RASAL2: variants seen among roughly 807,000 people sequenced by gnomAD.
RASAL2 encodes ras GTPase-activating protein nGAP.
Under a neutral mutation model 128.9 loss-of-function variants are expected in RASAL2, and 58 were observed. That is an observed-to-expected ratio of 0.45 (90% CI 0.36 to 0.56). RASAL2 has a LOEUF of 0.56. Among genes scored for constraint, RASAL2 ranks in the 20% least tolerant of loss-of-function variants. The pLI, the probability that RASAL2 is intolerant of heterozygous loss-of-function variation, is 0.00. For synonymous variants in RASAL2, 561 were observed against 580.8 expected (o/e 0.97, Z 0.49); for missense variants, 1,360 against 1,601.6 (o/e 0.85, Z 2.57).
chr1:178,470,546 C>T, intron 17 of RASAL2: 1 of 478,826 alleles, frequency 2.1e-6, no homozygotes, highest in Non-Finnish European at 3.8e-6. Context: ...TGCCACCTTT[C>T]ACCCCTGAGC....
At chr1:178,150,740 AC>A (rs1303634760) in intron 1 of RASAL2, among the ~76,000 whole-genome samples, 7 of 151,918 alleles carry the variant, frequency 4.6e-5, no homozygotes, top group African/African-American at 1.7e-4. Context: ...TTTATTTTTA[AC>A]CCCCAAATCA....
At chr1:178,399,083 G>A (rs569781773) in intron 4 of RASAL2, among the ~76,000 whole-genome samples, 7 of 152,294 alleles carry the variant, frequency 4.6e-5, no homozygotes, top group South Asian at 2.1e-4. Flanking sequence ...TGGAGAATTC[G>A]TGGGGACCTT....
At chr1:178,291,176 T>G (rs1046116744) in intron 2 of RASAL2, among the ~76,000 whole-genome samples, 5 of 152,128 alleles carry the variant, frequency 3.3e-5, no homozygotes, top group Admixed American at 6.5e-5. Context: ...TGATACAAAG[T>G]CAAGAAACAT....
chr1:178,432,916 A>G (rs771889884), intron 5 of RASAL2, among the ~76,000 whole-genome samples: 2 of 151,986 alleles, frequency 1.3e-5, no homozygotes, highest in African/African-American at 4.8e-5. Context: ...TCCTTAGCCA[A>G]GGTAGTTTTA....
At chr1:178,286,001 C>G (rs1667007214) in intron 2 of RASAL2, among the ~76,000 whole-genome samples, 1 of 152,142 alleles carries the variant, frequency 6.6e-6, no homozygotes, top group South Asian at 2.1e-4. Flanking sequence ...TGTCCTTTAT[C>G]CCTTTTTATA....
Position 178,257,029 on chromosome 1 carries a change from T to G in RASAL2, c.203-26535T>G, listed in dbSNP as rs529982939. 1.7e-4 allele frequency among the ~76,000 whole-genome samples: 26 copies of G among 151,832 alleles called. 1 individual carries two copies. The South Asian group carries it at 5.4e-3, about 32-fold the overall frequency. On this transcript the variant is annotated intron_variant, in intron 1 of 17. Coordinates refer to ENST00000367649, the MANE Select transcript of RASAL2 (RefSeq NM_170692.4). ...AATCCAAAAATTTAAGATAATTTTA[T>G]TCATAAAACATCAAAAAGAATAAGA...
chr1:178,315,181 G>A (rs1477879850), intron 3 of RASAL2, among the ~76,000 whole-genome samples: 3 of 144,632 alleles, frequency 2.1e-5, no homozygotes, highest in African/African-American at 8.0e-5. Flanking sequence ...TCTTAATCCA[G>A]TCTATCATTG....
chr1:178,329,827 C>T (rs1254190161), intron 3 of RASAL2, among the ~76,000 whole-genome samples: 2 of 151,622 alleles, frequency 1.3e-5, no homozygotes, highest in Non-Finnish European at 2.9e-5. Flanking sequence ...GCCTGGGTGA[C>T]AGAGCGAGAT....
chr1:178,257,328 T>C (rs992500421), intron 1 of RASAL2, among the ~76,000 whole-genome samples: 5 of 151,832 alleles, frequency 3.3e-5, no homozygotes, highest in Admixed American at 1.3e-4. Flanking sequence ...ACAACAATCA[T>C]AGGGGATAAA....
chr1:178,166,648 G>A (rs1661523502), intron 1 of RASAL2, among the ~76,000 whole-genome samples: 1 of 152,088 alleles, frequency 6.6e-6, no homozygotes, highest in Admixed American at 6.6e-5. Flanking sequence ...TCTAAGCTGT[G>A]TGAATACAAC....
chr1:178,148,084 T>A (rs570733732), intron 1 of RASAL2, among the ~76,000 whole-genome samples: 174 of 151,728 alleles, frequency 1.1e-3, no homozygotes, highest in Middle Eastern at 6.4e-3. Flanking sequence ...ATAAATAAAT[T>A]AATTAAAAAA....
intron 1 of RASAL2, among the ~76,000 whole-genome samples, chr1:178,127,298 T>A (rs921889159): frequency 1.3e-5 from 2 of 152,170 alleles, no homozygotes; most frequent in African/African-American, 2.4e-5. Flanking sequence ...TCTTGAGTTT[T>A]AGAGAAATAC....
chr1:178,381,800 T>C (rs1308965728), intron 3 of RASAL2, among the ~76,000 whole-genome samples: 3 of 152,082 alleles, frequency 2.0e-5, no homozygotes, highest in African/African-American at 4.8e-5. Flanking sequence ...GAAAAAGTTA[T>C]ATATGAAGCA....
intron 3 of RASAL2, among the ~76,000 whole-genome samples, chr1:178,318,055 G>A (rs2102323565): frequency 6.6e-6 from 1 of 151,746 alleles, no homozygotes; most frequent in African/African-American, 2.4e-5. Context: ...TATGTACCCA[G>A]TAGTCATTCA....
In RASAL2 at chr1:178,478,683, A is replaced by T. The variant is rs1467054304; in HGVS notation, c.*5444A>T. ...GCTAGTAGCATTTAGATTATTCCGTATGTGAGATCCGTATCAGCATTTCAT... is the reference window on the plus strand; with the variant it reads ...GCTAGTAGCATTTAGATTATTCCGTTTGTGAGATCCGTATCAGCATTTCAT... On this transcript the variant is annotated 3_prime_UTR_variant, in exon 18 of 18. Transcript: ENST00000367649. The T allele has an allele frequency of 1.3e-5, 2 of 152,248 alleles. No individual in the cohort carries two copies. Among genetic ancestry groups the T allele is most frequent in the Non-Finnish European group, 2.9e-5 (2 of 68,034 alleles). The allele number at this position is 152,248 out of a possible 1,614,324, so 9.4% of individuals were successfully genotyped here. A position where few individuals can be genotyped will look rare whatever the true frequency, so the allele number is the denominator to read the frequency against.
At chr1:178,264,340 T>A (rs1665840339) in intron 1 of RASAL2, among the ~76,000 whole-genome samples, 1 of 152,200 alleles carries the variant, frequency 6.6e-6, no homozygotes, top group South Asian at 2.1e-4. Flanking sequence ...CACGTACGCA[T>A]ACATGAAACC....
chr1:178,140,507 C>G (rs866498265), intron 1 of RASAL2, among the ~76,000 whole-genome samples: 3 of 152,184 alleles, frequency 2.0e-5, no homozygotes, highest in African/African-American at 7.2e-5. Flanking sequence ...GAAACTCTGT[C>G]AATCACAGAT....
chr1:178,450,120 C>G (rs1677273894), intron 9 of RASAL2, among the ~76,000 whole-genome samples: 1 of 152,072 alleles, frequency 6.6e-6, no homozygotes, highest in African/African-American at 2.4e-5. Flanking sequence ...TTAAAACAGT[C>G]TTTTACTAGT....
intron 3 of RASAL2, among the ~76,000 whole-genome samples, chr1:178,371,320 TCCCA>T (rs1671684785): frequency 9.8e-6 from 1 of 102,230 alleles, no homozygotes; most frequent in Admixed American, 9.5e-5. Flanking sequence ...CAGCCTTCTT[TCCCA>T]CACACACACA....
Sources: gnomAD v4.1 joint callset for allele counts (sites outside exome capture counted in the v4.1 genomes callset) on GRCh38, gnomAD v4.1.1 for gene constraint, MANE v1.5 for transcripts, NCBI Gene and HGNC (gene_info 2026-07-23, HGNC 2026-07-21) for gene names.